KCTD9: variants seen among roughly 807,000 people sequenced by gnomAD.
KCTD9 encodes the protein potassium channel tetramerization domain containing 9.
KCTD9 carries 17 observed loss-of-function variants against 53.3 expected under a neutral mutation model. The ratio of observed to expected loss-of-function variants is 0.32; its 90% confidence interval spans 0.22 to 0.48. KCTD9 has a LOEUF of 0.48. Ranked by LOEUF, KCTD9 falls within the 20% of genes least tolerant of loss-of-function variation. The pLI, the probability that KCTD9 is intolerant of heterozygous loss-of-function variation, is 0.99. For synonymous variants in KCTD9, 128 were observed against 162.7 expected, an observed-to-expected ratio of 0.79 and a Z score of 1.62; for missense variants, 179 against 465.5, an observed-to-expected ratio of 0.38 and a Z score of 5.66.
At chr8:25,434,184 C>G (rs1801978321) in intron 9 of KCTD9, among the ~76,000 whole-genome samples, 1 of 152,212 alleles carries the variant, frequency 6.6e-6, no homozygotes, top group African/African-American at 2.4e-5. Context: ...ACTGCAATCT[C>G]TGCCTCCCAA....
intron 3 of KCTD9, among the ~76,000 whole-genome samples, chr8:25,442,517 A>G (rs1177967101): frequency 1.3e-5 from 2 of 152,224 alleles, no homozygotes; most frequent in Non-Finnish European, 2.9e-5. Flanking sequence ...TTATACCAAA[A>G]TTATATAAAG....
intron 1 of KCTD9, among the ~76,000 whole-genome samples, chr8:25,449,875 C>T (rs546368712): frequency 2.6e-5 from 4 of 152,112 alleles, no homozygotes; most frequent in South Asian, 4.1e-4. Flanking sequence ...TTAGGCTTTC[C>T]CATGACATAG....
In KCTD9 at chr8:25,444,330, T is replaced by C. The variant is rs1802176742; in HGVS notation, c.176A>G (p.Asp59Gly). The C allele has an allele frequency of 6.2e-7, 1 of 1,606,092 alleles. No homozygotes were observed. The highest frequency in any genetic ancestry group is 8.5e-7 in the Non-Finnish European group (1 of 1,176,836). The part of the protein sequence containing the change: ...LIDDIALIRD[D>G]DVLFVCEGEP... The stretch of plus-strand genomic sequence containing the variant: ...TCCTTCACAAACAAACAAAACATCA[T>C]CATCCCTGGGGAAATCAAAATTTAA... The change falls in exon 3 of 12, where the codon GAT becomes GGT. Residue 59 changes from aspartate (D) to glycine (G), a missense_variant. Physicochemically the swap from Asp to Gly is moderately conservative, Grantham distance 94. This residue lies in a region of KCTD9 where 115 missense variants were observed against 250.9 expected (regional missense o/e 0.46). Coordinates refer to ENST00000221200, the MANE Select transcript of KCTD9 (RefSeq NM_017634.4).
At chr8:25,434,932 C>T (rs1020522738) in intron 9 of KCTD9, among the ~76,000 whole-genome samples, 3 of 152,206 alleles carry the variant, frequency 2.0e-5, no homozygotes, top group Non-Finnish European at 4.4e-5. Flanking sequence ...TTAACTTCCA[C>T]AAACTGATGC....
intron 1 of KCTD9, among the ~76,000 whole-genome samples, chr8:25,451,772 T>C (rs1802324185): frequency 6.6e-6 from 1 of 152,244 alleles, no homozygotes; most frequent in Admixed American, 6.5e-5. Flanking sequence ...TATTTAAATT[T>C]AAAAATTAAA....
chr8:25,428,909 T>C lies in KCTD9; in HGVS notation c.*948A>G, dbSNP rs1217999976. The stretch of plus-strand genomic sequence containing the variant: ...TTGCAGTAGCTCTGGATTTAGTATC[T>C]ATTTCTAAGCTGGCCCTATGTAAAC... On this transcript the variant is annotated 3_prime_UTR_variant, in exon 12 of 12. Transcript: ENST00000221200. The C allele has an allele frequency of 1.3e-5, 2 of 152,222 alleles. No individual in the cohort carries two copies. The highest frequency in any genetic ancestry group is 2.9e-5 in the Non-Finnish European group (2 of 68,030). 9.4% of individuals were successfully genotyped at this position (152,222 alleles called of 1,614,324 possible). A position where few individuals can be genotyped will look rare whatever the true frequency, so the allele number is the denominator to read the frequency against.
chr8:25,439,170 C>T (rs1204469486), intron 6 of KCTD9, 109 bp downstream of exon 6: 1 of 847,288 alleles, frequency 1.2e-6, no homozygotes, highest in African/African-American at 1.8e-5. Context: ...AAAATATATA[C>T]TTTTACTTTA....
At chr8:25,450,101 C>A (rs1802291659) in intron 1 of KCTD9, among the ~76,000 whole-genome samples, 1 of 152,196 alleles carries the variant, frequency 6.6e-6, no homozygotes, top group Non-Finnish European at 1.5e-5. Flanking sequence ...TACTAAGGAG[C>A]ACAGTCTAGG....
chr8:25,438,868 TGATTTGCCCTCTTG>T (rs1449959809), intron 6 of KCTD9, among the ~76,000 whole-genome samples: 1 of 152,250 alleles, frequency 6.6e-6, no homozygotes, highest in African/African-American at 2.4e-5. Flanking sequence ...TTGCAAGGCA[TGATTTGCCCTCTTG>T]ACTACTCTAG....
At chr8:25,438,579 T>C (rs1419740780) in intron 6 of KCTD9, among the ~76,000 whole-genome samples, 5 of 152,260 alleles carry the variant, frequency 3.3e-5, no homozygotes, top group African/African-American at 9.6e-5. Context: ...CTGACAGGCA[T>C]GTGACCTCAA....
Position 25,428,576 on chromosome 8 carries a change from T to G in KCTD9, c.*1281A>C, listed in dbSNP as rs1801877949. The G allele has an allele frequency of 6.6e-6, 1 of 152,238 alleles. No homozygotes were observed. The highest frequency in any genetic ancestry group is 2.4e-5 in the African/African-American group (1 of 41,320). The allele number at this position is 152,238 out of a possible 1,614,324, so 9.4% of individuals were successfully genotyped here. ...TGGGGTAGAAAATAAGGACACCAAG[T>G]CATTGGTAGGGAGGTACAGGCCCTT... On this transcript the variant is annotated 3_prime_UTR_variant, in exon 12 of 12. Transcript: ENST00000221200.
At chr8:25,433,621 A>G (rs1001604041) in intron 9 of KCTD9, among the ~76,000 whole-genome samples, 186 bp from the exon 10 acceptor site, 3 of 152,198 alleles carry the variant, frequency 2.0e-5, no homozygotes, top group African/African-American at 4.8e-5. Context: ...GAACATTTGA[A>G]AGAAAAATTT....
intron 1 of KCTD9, among the ~76,000 whole-genome samples, chr8:25,446,970 A>G (rs1459571431): frequency 1.3e-5 from 2 of 152,228 alleles, no homozygotes; most frequent in Admixed American, 6.5e-5. Context: ...CAACTGTCTA[A>G]GCAGGGTGCT....
chr8:25,458,185 C>A lies in KCTD9; in HGVS notation c.48+14G>T. ...CGACCCCCGGCCCGCCGCGCCCCCT[C>A]ACGCCCCCGTTACCTTTCCGTTCTT... On this transcript the variant is annotated intron_variant, in intron 1 of 11. Transcript: ENST00000221200. The A allele has an allele frequency of 6.3e-7, 1 of 1,592,104 alleles. No homozygotes were observed. The highest frequency in any genetic ancestry group is 8.6e-7 in the Non-Finnish European group (1 of 1,166,002).
intron 4 of KCTD9, 128 bp downstream of exon 4, chr8:25,440,449 G>T: frequency 1.5e-6 from 1 of 658,524 alleles, no homozygotes; most frequent in Non-Finnish European, 2.7e-6. Flanking sequence ...ATAAAAAATG[G>T]TTTCAGATCA....
intron 6 of KCTD9, 61 bp from the exon 7 acceptor site, chr8:25,436,546 G>T: frequency 1.0e-6 from 1 of 990,892 alleles, no homozygotes; most frequent in Admixed American, 2.8e-5. Flanking sequence ...CATTCATTTT[G>T]AATTTACTAA....
At chr8:25,431,441 T>C (rs906103985) in intron 11 of KCTD9, among the ~76,000 whole-genome samples, 1 of 152,118 alleles carries the variant, frequency 6.6e-6, no homozygotes, top group Non-Finnish European at 1.5e-5. Context: ...AGATTCCACT[T>C]AAGTCCCTGG....
At chr8:25,434,007 C>G (rs996028664) in intron 9 of KCTD9, among the ~76,000 whole-genome samples, 4 of 152,180 alleles carry the variant, frequency 2.6e-5, no homozygotes, top group African/African-American at 9.7e-5. Context: ...CCAACCATGG[C>G]TAAACATTAT....
intron 1 of KCTD9, among the ~76,000 whole-genome samples, chr8:25,446,564 T>C (rs952047878): frequency 2.6e-5 from 4 of 152,208 alleles, no homozygotes; most frequent in Non-Finnish European, 4.4e-5. Context: ...ATTTTCTAGC[T>C]GTCAACTTGA....
Sources: gnomAD v4.1 joint callset for allele counts (sites outside exome capture counted in the v4.1 genomes callset) on GRCh38, gnomAD v4.1.1 for gene constraint, gnomAD v4.1.1 regional missense constraint, MANE v1.5 for transcripts, NCBI Gene and HGNC (gene_info 2026-07-23, HGNC 2026-07-21) for gene names.